Variants in BYSL observed in about 807,000 individuals in gnomAD.
The protein encoded by BYSL is bystin.
BYSL carries 21 observed loss-of-function variants against 45.4 expected under a neutral mutation model. That is an observed-to-expected ratio of 0.46 (90% CI 0.33 to 0.67). The LOEUF is 0.67. Among genes scored for constraint, BYSL ranks in the 30% least tolerant of loss-of-function variants. The probability of loss-of-function intolerance (pLI) is 0.02; values close to 1 mark genes in which losing one functional copy is unlikely to be tolerated. For synonymous variants in BYSL, 215 were observed against 231.3 expected (o/e 0.93, Z 0.64); for missense variants, 522 against 578.5 (o/e 0.90, Z 1.00).
At chr6:41,912,318 A>G in the BYSL span, among the ~76,000 whole-genome samples, 1 of 144,008 alleles carries the variant, frequency 6.9e-6, no homozygotes, top group Non-Finnish European at 1.5e-5. Context: ...TGGGATTCAC[A>G]GGTATGAGCC....
At chr6:41,930,463 A>C (rs1472755110) in intron 3 of BYSL, 172 bp from the exon 4 acceptor site, 72 of 1,210,318 alleles carry the variant, frequency 5.9e-5, no homozygotes, top group Non-Finnish European at 7.9e-5. Flanking sequence ...TGGGTCGGTT[A>C]CTGGAACTCT....
chr6:41,920,898 G>A (rs1169620670), upstream of BYSL: 5 of 1,442,592 alleles, frequency 3.5e-6, no homozygotes, highest in Non-Finnish European at 4.7e-6. Context: ...TACACAACCC[G>A]AGGACATCTC....
chr6:41,919,128 CAAAAAA>C (rs35512146), upstream of BYSL, among the ~76,000 whole-genome samples: 14 of 44,888 alleles, frequency 3.1e-4, no homozygotes, highest in South Asian at 1.7e-3. Flanking sequence ...GACTCTGCCT[CAAAAAA>C]AAAAAAAAAA....
chr6:41,914,072 A>G, the BYSL span, among the ~76,000 whole-genome samples: 1 of 152,258 alleles, frequency 6.6e-6, no homozygotes, highest in African/African-American at 2.4e-5. Flanking sequence ...AGAAATGTAT[A>G]CAGGGAACAA....
Position 41,921,517 on chromosome 6 carries a change from C to T in BYSL, c.-46C>T, listed in dbSNP as rs774889424. The T allele has an allele frequency of 8.5e-6, 13 of 1,525,804 alleles. No homozygotes were observed. The highest frequency in any genetic ancestry group is 2.3e-5 in the East Asian group (1 of 43,476). 94.5% of individuals were successfully genotyped at this position (1,525,804 alleles called of 1,614,324 possible). A position where few individuals can be genotyped will look rare whatever the true frequency, so the allele number is the denominator to read the frequency against. On this transcript the variant is annotated 5_prime_UTR_variant, in exon 1 of 7. Coordinates refer to ENST00000230340, the MANE Select transcript of BYSL (RefSeq NM_004053.4). Reference sequence around the variant, plus strand: ...ACCGCGCAAGCGCATCCTGGCCTTTCTTCAGTCCCCACGTGCGATCCTTCC... The same window carrying T: ...ACCGCGCAAGCGCATCCTGGCCTTTTTTCAGTCCCCACGTGCGATCCTTCC...
chr6:41,930,544 A>C, intron 3 of BYSL, 91 bp from the exon 4 acceptor site: 1 of 1,470,634 alleles, frequency 6.8e-7, no homozygotes, highest in Non-Finnish European at 9.2e-7. Flanking sequence ...GCAATGAGTT[A>C]ATATATTAAA....
At chr6:41,910,525 G>A in the BYSL span, among the ~76,000 whole-genome samples, 1 of 151,754 alleles carries the variant, frequency 6.6e-6, no homozygotes, top group African/African-American at 2.4e-5. Context: ...CCAGCTACTG[G>A]GGAGGCTGAG....
At chr6:41,923,130 T>G (rs758724705) in intron 1 of BYSL, among the ~76,000 whole-genome samples, 8 of 62,370 alleles carry the variant, frequency 1.3e-4, no homozygotes, top group Non-Finnish European at 2.3e-4. Flanking sequence ...TATTCTCCGT[T>G]TTTTCTTTTT....
At chr6:41,924,257 T>A (rs7738554) in intron 1 of BYSL, among the ~76,000 whole-genome samples, 45,319 of 149,048 alleles carry the variant, frequency 0.3, 7,607 homozygotes, top group African/African-American at 0.45. Context: ...TTTAGTAGAG[T>A]TGGGGATTTC....
At chr6:41,909,199 A>G in the BYSL span, 1 of 1,527,368 alleles carries the variant, frequency 6.5e-7, no homozygotes, top group South Asian at 1.3e-5. Flanking sequence ...GAAGAACTGG[A>G]AAATCTTCAG....
At chr6:41,916,767 C>A (rs1367659342), upstream of BYSL, 2 of 1,613,670 alleles carry the variant, frequency 1.2e-6, no homozygotes. Context: ...AGCCATCCTA[C>A]AGACCCATCT....
rs1215018448 is a variant in BYSL at position 41,932,572 on chromosome 6, G to T, written c.1180G>T (p.Ala394Ser). 3 of 1,614,188 alleles carry T rather than the reference G, an allele frequency of 1.9e-6. No homozygotes were observed. Among genetic ancestry groups the T allele is most frequent in the Non-Finnish European group, 2.5e-6 (3 of 1,180,038 alleles). ...GGTCCAGCGCTACAAGGCCGACTTG[G>T]CCACAGACCAGAAAGAGGCCCTCTT... ...TLVQRYKADL[A>S]TDQKEALLEL... Residue 394 changes from alanine to serine, a missense_variant, in exon 7 of 7, where the codon GCC becomes TCC. By Grantham distance (99) the Ala-to-Ser change is moderately conservative (BLOSUM62 1). Transcript: ENST00000230340. The surrounding 1 kb of genome is among the most constrained non-coding windows in gnomAD (Gnocchi z 4.7).
At chr6:41,928,319 A>C (rs953853491) in intron 2 of BYSL, among the ~76,000 whole-genome samples, 6 of 152,196 alleles carry the variant, frequency 3.9e-5, no homozygotes, top group Admixed American at 2.6e-4. Flanking sequence ...GGGCTAATGC[A>C]TCTCATTGCT....
At chr6:41,909,537 G>T in the BYSL span, 5 of 1,610,710 alleles carry the variant, frequency 3.1e-6, no homozygotes, top group Non-Finnish European at 3.4e-6. Flanking sequence ...AAGGGACAGA[G>T]ATCCTATTCA....
At chr6:41,914,726 A>G in the BYSL span, among the ~76,000 whole-genome samples, 1 of 151,966 alleles carries the variant, frequency 6.6e-6, no homozygotes, top group African/African-American at 2.4e-5. Flanking sequence ...AAAAAGAAAA[A>G]AAAAAAAAGT....
intron 1 of BYSL, among the ~76,000 whole-genome samples, chr6:41,923,805 G>C (rs1561943238): frequency 6.6e-6 from 1 of 152,152 alleles, no homozygotes. Flanking sequence ...TATATGATCT[G>C]CCTCCTTTGC....
At chr6:41,909,343 A>G in the BYSL span, 1 of 1,614,146 alleles carries the variant, frequency 6.2e-7, no homozygotes. Context: ...CAGTACTGGT[A>G]CCTGGTGCCC....
Position 41,931,801 on chromosome 6 carries a change from C to T in BYSL, c.939C>T (p.Thr313=), listed in dbSNP as rs755413608. The change falls in exon 6 of 7, where the codon ACC becomes ACT. Residue 313 remains threonine (T), a synonymous_variant. Coordinates refer to ENST00000230340, the MANE Select transcript of BYSL (RefSeq NM_004053.4). The part of the protein sequence containing the change: ...REAIIVGSII[T]KCSIPVLHSS... Reference sequence around the variant, plus strand: ...CCATCATTGTGGGTAGCATCATCACCAAGTGCTCCATCCCTGTGTTGCACT... The same window carrying T: ...CCATCATTGTGGGTAGCATCATCACTAAGTGCTCCATCCCTGTGTTGCACT... 1.5e-5 allele frequency: 24 copies of T among 1,613,900 alleles called. No homozygotes were observed. Among genetic ancestry groups the T allele is most frequent in the South Asian group, 8.8e-5 (8 of 91,080 alleles).
Position 41,932,599 on chromosome 6 carries a change from G to GAA in BYSL, c.1208_1209dup (p.Leu404AsnfsTer64), listed in dbSNP as rs1775656931. 6.2e-7 allele frequency: 1 copy of GAA among 1,614,068 alleles called. No homozygotes were observed. On this transcript the variant is annotated frameshift_variant, in exon 7 of 7. Transcript: ENST00000230340. LOFTEE classifies it high-confidence loss of function. The surrounding 1 kb of genome is among the most constrained non-coding windows in gnomAD (Gnocchi z 4.7). ...CACAGACCAGAAAGAGGCCCTCTTA[G>GAA]AACTGCTCCGGCTGCAGCCCCATCC...
Sources: allele counts gnomAD v4.1 joint callset (sites outside exome capture counted in the v4.1 genomes callset), GRCh38; gene constraint gnomAD v4.1.1; non-coding constraint Gnocchi (gnomAD v3.1); transcripts MANE v1.5; gene names NCBI Gene and HGNC (gene_info 2026-07-23, HGNC 2026-07-21).